The following PPP2R1B variants were observed in gnomAD, a reference collection of about 807,000 sequenced individuals.
PPP2R1B encodes protein phosphatase 2 scaffold subunit Abeta.
A neutral mutation model predicts 72.7 loss-of-function variants in PPP2R1B; 58 were observed. The observed-to-expected ratio is 0.80, with a 90% CI of 0.65 to 0.99. The LOEUF (loss-of-function observed/expected upper bound fraction) is 0.99. Among genes scored for constraint, PPP2R1B ranks in the 50% least tolerant of loss-of-function variants. The pLI is 0.00. For missense variants in PPP2R1B, 695 were observed against 733.6 expected (o/e 0.95, Z 0.61); for synonymous variants, 256 against 264.6 (o/e 0.97, Z 0.32).
chr11:111,744,530 T>C (rs1264678828), intron 11 of PPP2R1B, among the ~76,000 whole-genome samples: 2 of 152,232 alleles, frequency 1.3e-5, no homozygotes, highest in Admixed American at 6.5e-5. Context: ...AGTTGCTATA[T>C]ACAGCACTGA....
chr11:111,736,442 C>T (rs1944343280), downstream of PPP2R1B, among the ~76,000 whole-genome samples: 1 of 152,194 alleles, frequency 6.6e-6, no homozygotes, highest in Non-Finnish European at 1.5e-5. Flanking sequence ...ACTGTCACTC[C>T]CACTCCTTCA....
chr11:111,698,215 T>G, the PPP2R1B span, among the ~76,000 whole-genome samples: 4 of 152,142 alleles, frequency 2.6e-5, no homozygotes, highest in African/African-American at 9.7e-5. Context: ...ACAGGAAGCT[T>G]TCTTTGTGCT....
chr11:111,739,318 G>A lies in PPP2R1B; in HGVS notation c.*2278C>T. ...CTATATTCCAGTGAAATCAAGATAG[G>A]AGAACTTTTCCCTTAAGTTTAAGGT... is the stretch of plus-strand genomic sequence containing the variant. On this transcript the variant is annotated 3_prime_UTR_variant, in exon 15 of 15. Coordinates refer to ENST00000527614, the MANE Select transcript of PPP2R1B (RefSeq NM_002716.5). 6 of 978,522 alleles carry A rather than the reference G, an allele frequency of 6.1e-6. No homozygotes were observed. The highest frequency in any genetic ancestry group is 6.1e-6 in the Non-Finnish European group (5 of 826,038). The allele number at this position is 978,522 out of a possible 1,614,324, so 60.6% of individuals were successfully genotyped here. A position where few individuals can be genotyped will look rare whatever the true frequency, so the allele number is the denominator to read the frequency against.
chr11:111,711,858 G>A, the PPP2R1B span, among the ~76,000 whole-genome samples: 1 of 152,170 alleles, frequency 6.6e-6, no homozygotes, highest in East Asian at 1.9e-4. Context: ...TTCTTTATCT[G>A]TCTGGGTATT....
In PPP2R1B at chr11:111,739,285, C is replaced by T; in HGVS notation, c.*2311G>A. On this transcript the variant is annotated 3_prime_UTR_variant, in exon 15 of 15. Coordinates refer to ENST00000527614, the MANE Select transcript of PPP2R1B (RefSeq NM_002716.5). ...ACAAAAATACCAGCCTTACAGAGCT[C>T]CTAAAGCCTATATTCCAGTGAAATC... 1 of 975,174 alleles carries T rather than the reference C, an allele frequency of 1.0e-6. No homozygotes were observed. Among genetic ancestry groups the T allele is most frequent in the Non-Finnish European group, 1.2e-6 (1 of 820,916 alleles). The allele number at this position is 975,174 out of a possible 1,614,324, so 60.4% of individuals were successfully genotyped here.
rs201793048 is a variant in PPP2R1B, at chr11:111,766,304, C to G, written c.58G>C (p.Asp20His). 1.9e-6 allele frequency: 3 copies of G among 1,612,902 alleles called. No individual in the cohort carries two copies. The Admixed American group carries it at 5.0e-5, about 27-fold the overall frequency. Residue 20 changes from aspartate to histidine, a missense_variant, in exon 1 of 15, where the codon GAT (aspartate) becomes CAT (histidine). Physicochemically the swap from Asp to His is moderately conservative, Grantham distance 81. Coordinates refer to ENST00000527614, the MANE Select transcript of PPP2R1B (RefSeq NM_002716.5). The stretch of plus-strand genomic sequence containing the variant: ...AAAACCGCGATCGGGTATAGCGAAT[C>G]ATCTCCATCTCCACCCGCTGCTCCT... ...GPGAAGGDGD[D>H]SLYPIAVLID... is the part of the protein sequence containing the mutation.
chr11:111,715,794 T>TG, the PPP2R1B span, among the ~76,000 whole-genome samples: 1 of 47,812 alleles, frequency 2.1e-5, no homozygotes, highest in Non-Finnish European at 4.6e-5. Flanking sequence ...CATTTTTAGC[T>TG]TTTTTTTTTT....
Position 111,760,903 on chromosome 11 carries a change from C to T in PPP2R1B, c.455G>A (p.Trp152Ter). 6.2e-7 allele frequency: 1 copy of T among 1,614,184 alleles called. No individual in the cohort carries two copies. Among genetic ancestry groups the T allele is most frequent in the South Asian group, 1.1e-5 (1 of 91,084 alleles). ...PLVKRLASGDWFTSRTSACGL... is the reference protein window; with the variant it reads ...PLVKRLASGD ...ACATGCAGATGTGCGAGAGGTGAAC[C>T]AATCCCCACTTGCTAAGCGTTTCAC... Residue 152 changes from tryptophan to a stop codon, truncating the protein, a stop_gained, in exon 4 of 15, where the codon TGG (tryptophan) becomes TAG (stop). Transcript: ENST00000527614. LOFTEE classifies it high-confidence loss of function.
chr11:111,766,304 C>A lies in PPP2R1B; in HGVS notation c.58G>T (p.Asp20Tyr). 1 of 1,613,018 alleles carries A rather than the reference C, an allele frequency of 6.2e-7. No individual in the cohort carries two copies. The highest frequency in any genetic ancestry group is 1.3e-5 in the African/African-American group (1 of 74,602). Residue 20 changes from aspartate to tyrosine, a missense_variant, in exon 1 of 15, where the codon GAT (aspartate) becomes TAT (tyrosine). Physicochemically the swap from Asp to Tyr is radical, Grantham distance 160 (BLOSUM62 -3). Coordinates refer to ENST00000527614, the MANE Select transcript of PPP2R1B (RefSeq NM_002716.5). ...GPGAAGGDGD[D>Y]SLYPIAVLID... ...AAAACCGCGATCGGGTATAGCGAATCATCTCCATCTCCACCCGCTGCTCCT... is the reference window on the plus strand; with the variant it reads ...AAAACCGCGATCGGGTATAGCGAATAATCTCCATCTCCACCCGCTGCTCCT...
chr11:111,691,704 C>G, the PPP2R1B span, among the ~76,000 whole-genome samples: 1 of 152,200 alleles, frequency 6.6e-6, no homozygotes, highest in African/African-American at 2.4e-5. Flanking sequence ...TATCTAAGCA[C>G]TCAAATTTTC....
the PPP2R1B span, chr11:111,719,885 A>G: frequency 1.2e-6 from 2 of 1,614,168 alleles, no homozygotes; most frequent in South Asian, 2.2e-5. Context: ...TGGAGACAGA[A>G]GGAGAGGCCG....
chr11:111,764,389 T>C (rs974414189), intron 3 of PPP2R1B, among the ~76,000 whole-genome samples: 2 of 152,114 alleles, frequency 1.3e-5, no homozygotes, highest in Non-Finnish European at 2.9e-5. Context: ...CTATGATGTG[T>C]CTGATAAAGT....
the PPP2R1B span, among the ~76,000 whole-genome samples, chr11:111,708,094 C>A: frequency 6.6e-6 from 1 of 152,124 alleles, no homozygotes; most frequent in Non-Finnish European, 1.5e-5. Context: ...ACAAAATACC[C>A]ATTATGACAG....
chr11:111,720,275 T>C, the PPP2R1B span, among the ~76,000 whole-genome samples: 1 of 152,128 alleles, frequency 6.6e-6, no homozygotes, highest in Non-Finnish European at 1.5e-5. Context: ...CTGGCTGAGA[T>C]CTTACAGATG....
Position 111,738,521 on chromosome 11 carries a change from C to T in PPP2R1B, c.*3075G>A. 2.0e-6 allele frequency: 2 copies of T among 985,472 alleles called. No homozygotes were observed. The highest frequency in any genetic ancestry group is 2.4e-6 in the Non-Finnish European group (2 of 829,950). The allele number at this position is 985,472 out of a possible 1,614,324, so 61.0% of individuals were successfully genotyped here. A position where few individuals can be genotyped will look rare whatever the true frequency, so the allele number is the denominator to read the frequency against. On this transcript the variant is annotated 3_prime_UTR_variant, in exon 15 of 15. Transcript: ENST00000527614. ...TTGCTTCCCTGGAAGTCTACGCAAG[C>T]AACCTGAATGCCTGGACAAGCCAGC...
At chr11:111,761,663 A>G (rs1945333236) in intron 3 of PPP2R1B, among the ~76,000 whole-genome samples, 2 of 152,248 alleles carry the variant, frequency 1.3e-5, no homozygotes, top group South Asian at 4.1e-4. Context: ...CAATCAAGTG[A>G]AAACTACAGA....
chr11:111,724,264 CAG>C (rs981512612), downstream of PPP2R1B: 156 of 1,281,984 alleles, frequency 1.2e-4, no homozygotes, highest in African/African-American at 2.2e-3. Flanking sequence ...CAACTGGAAT[CAG>C]AGGGTCTGGC....
intron 4 of PPP2R1B, 99 bp downstream of exon 4, chr11:111,760,720 T>G: frequency 1.0e-6 from 1 of 1,004,626 alleles, no homozygotes; most frequent in Non-Finnish European, 1.5e-6. Flanking sequence ...AACAAGGTAC[T>G]ATGTAAATTG....
chr11:111,751,107 G>A (rs1944891963), intron 10 of PPP2R1B, among the ~76,000 whole-genome samples: 1 of 152,152 alleles, frequency 6.6e-6, no homozygotes. Context: ...CCAAAGTGCT[G>A]GGTTTACAGG....
Sources: gnomAD v4.1 joint callset for allele counts (sites outside exome capture counted in the v4.1 genomes callset) on GRCh38, gnomAD v4.1.1 for gene constraint, MANE v1.5 for transcripts, NCBI Gene and HGNC (gene_info 2026-07-23, HGNC 2026-07-21) for gene names.